The following TTC39B variants were observed in gnomAD, a reference collection of about 807,000 sequenced individuals.
TTC39B encodes tetratricopeptide repeat protein 39B.
TTC39B carries 92 observed loss-of-function variants against 96.6 expected under a neutral mutation model. The observed-to-expected ratio is 0.95, with a 90% CI of 0.80 to 1.13. The LOEUF (loss-of-function observed/expected upper bound fraction) is 1.13. Ranked by LOEUF, TTC39B falls within the 50% of genes most tolerant of loss-of-function variation. TTC39B has a pLI of 0.00. For synonymous variants in TTC39B, 367 were observed against 299.4 expected, an observed-to-expected ratio of 1.23 and a Z score of -2.33; for missense variants, 955 against 809.3, an observed-to-expected ratio of 1.18 and a Z score of -2.18.
At chr9:15,204,660 T>A (rs749858390) in intron 6 of TTC39B, among the ~76,000 whole-genome samples, 22 of 152,078 alleles carry the variant, frequency 1.4e-4, no homozygotes, top group Non-Finnish European at 2.5e-4. Context: ...ATTAGCTACC[T>A]GAAAAGAAAG....
chr9:15,283,194 G>A (rs1823832374), intron 1 of TTC39B, among the ~76,000 whole-genome samples: 1 of 152,082 alleles, frequency 6.6e-6, no homozygotes, highest in African/African-American at 2.4e-5. Context: ...ACACTAATGT[G>A]TTTATTTATG....
exon 9 of TTC39B, chr9:15,192,636 T>C (rs776565822): frequency 2.5e-6 from 4 of 1,613,766 alleles, no homozygotes; most frequent in Non-Finnish European, 3.4e-6. Flanking sequence ...TTCAAACTCA[T>C]AGAAGAATTC....
At chr9:15,251,694 C>CATATAAATAT (rs59081141) in intron 2 of TTC39B, among the ~76,000 whole-genome samples, 1 of 61,810 alleles carries the variant, frequency 1.6e-5, no homozygotes, top group Non-Finnish European at 3.1e-5. Context: ...CACACACATA[C>CATATAAATAT]ATATACATAT....
chr9:15,299,879 ATG>A (rs1282179806), intron 1 of TTC39B, among the ~76,000 whole-genome samples: 1 of 152,168 alleles, frequency 6.6e-6, no homozygotes, highest in Non-Finnish European at 1.5e-5. Flanking sequence ...GCAGAAGCAT[ATG>A]TGTTACCCAG....
chr9:15,262,810 C>A (rs1389545055), intron 2 of TTC39B, among the ~76,000 whole-genome samples: 1 of 152,164 alleles, frequency 6.6e-6, no homozygotes, highest in Non-Finnish European at 1.5e-5. Context: ...GGCAAGAGCA[C>A]TGCATCTTGA....
At chr9:15,278,324 C>T (rs1448259686) in intron 1 of TTC39B, among the ~76,000 whole-genome samples, 5 of 152,028 alleles carry the variant, frequency 3.3e-5, no homozygotes, top group Admixed American at 1.3e-4. Context: ...AAAAAATATG[C>T]ATAGTGATAT....
chr9:15,292,063 A>C (rs1478664819), intron 1 of TTC39B, among the ~76,000 whole-genome samples: 1 of 152,244 alleles, frequency 6.6e-6, no homozygotes, highest in Non-Finnish European at 1.5e-5. Context: ...AAATATGTGT[A>C]AAGTTTACTT....
chr9:15,167,003 TATATATATATATATATATA>T (rs1299203151), exon 20 of TTC39B: 271 of 8,466 alleles, frequency 0.032, 39 homozygotes, highest in East Asian at 0.047. Flanking sequence ...TATATATATA[TATATATATATATATATATA>T]TATATATTTT....
At chr9:15,183,537 G>T in intron 16 of TTC39B, 2 of 327,292 alleles carry the variant, frequency 6.1e-6, no homozygotes, top group South Asian at 4.9e-5. Flanking sequence ...CATAGACCTG[G>T]AGAAAGAAGT....
intron 8 of TTC39B, among the ~76,000 whole-genome samples, chr9:15,195,497 T>C (rs1295030953): frequency 2.0e-5 from 3 of 151,310 alleles, no homozygotes; most frequent in Non-Finnish European, 4.4e-5. Flanking sequence ...TGGTGAAACC[T>C]TGCCTCTACT....
intron 17 of TTC39B, among the ~76,000 whole-genome samples, chr9:15,180,269 T>G (rs1288971557): frequency 6.6e-6 from 1 of 152,196 alleles, no homozygotes. Flanking sequence ...TAAAAAGTCA[T>G]AAAGTCAGTA....
rs565299224 is a variant in TTC39B at position 15,265,758 on chromosome 9, T to C, written c.275+2156A>G. On this transcript the variant is annotated intron_variant, in intron 2 of 19. Transcript: ENST00000512701. The stretch of plus-strand genomic sequence containing the variant: ...TAAGTCACATTGATATCGTGGATCT[T>C]TGCTATGATGTGATAAGAATGGCCC... 3.3e-5 allele frequency among the ~76,000 whole-genome samples: 5 copies of C among 152,342 alleles called. No individual in the cohort carries two copies. The South Asian group carries it at 8.3e-4, about 25-fold the overall frequency.
At chr9:15,177,846 C>T (rs1199597739) in intron 17 of TTC39B, 32 bp from the exon 18 acceptor site, 5 of 1,096,266 alleles carry the variant, frequency 4.6e-6, no homozygotes, top group Non-Finnish European at 6.6e-6. Context: ...AGAAAACACA[C>T]AAAGAAAAAT....
chr9:15,183,071 G>C (rs766664406), intron 16 of TTC39B, among the ~76,000 whole-genome samples: 1 of 152,082 alleles, frequency 6.6e-6, no homozygotes, highest in Non-Finnish European at 1.5e-5. Context: ...TAATGTTCCT[G>C]ATAGTGCAGT....
chr9:15,206,143 A>G (rs1347745480), intron 6 of TTC39B, among the ~76,000 whole-genome samples: 10 of 152,214 alleles, frequency 6.6e-5, no homozygotes, highest in Non-Finnish European at 1.5e-4. Flanking sequence ...TATTCTGCAA[A>G]TAAGTATCTG....
chr9:15,235,732 A>G (rs1016490353), intron 2 of TTC39B, among the ~76,000 whole-genome samples: 5 of 152,228 alleles, frequency 3.3e-5, no homozygotes, highest in Non-Finnish European at 7.3e-5. Context: ...TCAATGAAGA[A>G]GAAATAAAAT....
intron 2 of TTC39B, among the ~76,000 whole-genome samples, chr9:15,239,308 C>T (rs1821929741): frequency 6.6e-6 from 1 of 152,216 alleles, no homozygotes; most frequent in South Asian, 2.1e-4. Flanking sequence ...CACTTGTACA[C>T]TGTTGGTGGG....
chr9:15,272,126 C>T (rs1296867000), intron 1 of TTC39B, among the ~76,000 whole-genome samples: 1 of 152,178 alleles, frequency 6.6e-6, no homozygotes, highest in Non-Finnish European at 1.5e-5. Context: ...AATTCTATCC[C>T]TTTTCTGCTG....
rs999471825 is a variant in TTC39B at position 15,185,498 on chromosome 9, AC to A, written c.1488-93del. 53 of 1,561,552 alleles carry A rather than the reference AC, an allele frequency of 3.4e-5. No homozygotes were observed. The African/African-American group carries it at 7.0e-4, about 21-fold the overall frequency. ...GTTTTCACAGTGAACTTCACAGACC[AC>A]CAGCAGCAGCAGCAGCATCACCTGG... On this transcript the variant is annotated intron_variant, in intron 15 of 19. Coordinates refer to ENST00000512701, the Ensembl canonical transcript of TTC39B.
Sources: allele counts gnomAD v4.1 joint callset (sites outside exome capture counted in the v4.1 genomes callset), GRCh38; gene constraint gnomAD v4.1.1; transcripts MANE v1.5; gene names NCBI Gene and HGNC (gene_info 2026-07-23, HGNC 2026-07-21).